Variants in SLC25A18 observed in about 807,000 individuals in gnomAD.
SLC25A18 encodes the protein mitochondrial glutamate carrier 2.
A neutral mutation model predicts 31.1 loss-of-function variants in SLC25A18; 24 were observed. The ratio of observed to expected loss-of-function variants is 0.77; its 90% CI spans 0.56 to 1.08. The LOEUF (loss-of-function observed/expected upper bound fraction) is 1.08. SLC25A18 is among the 50% of genes least tolerant of loss of function. The pLI, the probability that SLC25A18 is intolerant of heterozygous loss-of-function variation, is 0.00. For missense variants in SLC25A18, 371 were observed against 418.5 expected (o/e 0.89, Z 0.99); for synonymous variants, 173 against 161.9 (o/e 1.07, Z -0.52).
At chr22:17,565,428 CAGTGG>C (rs2056911776) in intron 1 of SLC25A18, among the ~76,000 whole-genome samples, 1 of 152,040 alleles carries the variant, frequency 6.6e-6, no homozygotes, top group Admixed American at 6.6e-5. Context: ...AGTTGAAGTG[CAGTGG>C]TATGATCATA....
intron 9 of SLC25A18, chr22:17,589,335 GC>G: frequency 2.8e-6 from 1 of 355,762 alleles, no homozygotes; most frequent in Non-Finnish European, 5.4e-6. Flanking sequence ...AACGCGCCAC[GC>G]CCGGCTCATT....
At position 17,590,428 on chromosome 22, in the gene SLC25A18, C is replaced by A; in HGVS notation, c.*192C>A. On this transcript the variant is annotated 3_prime_UTR_variant, in exon 11 of 11. Coordinates refer to ENST00000327451, the MANE Select transcript of SLC25A18 (RefSeq NM_031481.3). ...ACAGCCTTCTTCCCCTTCGTGTCTA[C>A]ACTCGTTTTCCTTTGTGGGCACAGC... 1.6e-6 allele frequency: 1 copy of A among 612,614 alleles called. No individual in the cohort carries two copies. 37.9% of individuals were successfully genotyped at this position (612,614 alleles called of 1,614,324 possible). A position where few individuals can be genotyped will look rare whatever the true frequency, so the allele number is the denominator to read the frequency against.
At chr22:17,589,467 C>T (rs1009363733) in intron 9 of SLC25A18, 123 bp from the exon 10 acceptor site, 20 of 783,440 alleles carry the variant, frequency 2.6e-5, no homozygotes, top group East Asian at 5.9e-5. Flanking sequence ...TGAGCCACTG[C>T]GCCCGGCCTA....
chr22:17,586,872 G>A (rs560419140), intron 7 of SLC25A18, among the ~76,000 whole-genome samples: 88 of 152,356 alleles, frequency 5.8e-4, no homozygotes, highest in Non-Finnish European at 9.8e-4. Flanking sequence ...GAACGTGGCG[G>A]AGAAGCAAGC....
rs768783417 is a variant in SLC25A18, at chr22:17,587,350, G to A, written c.575+49G>A. The A allele has an allele frequency of 7.7e-6, 12 of 1,554,610 alleles. 1 individual carries two copies. The South Asian group carries it at 8.4e-5, about 11-fold the overall frequency. On this transcript the variant is annotated intron_variant, in intron 8 of 10. Transcript: ENST00000327451. ...AGGACAAGTGCACGGGGGAGGGCAC[G>A]AGGGCCAGAGAGCTGGTTGTCCCTA...
Position 17,570,133 on chromosome 22 carries a change from C to T in SLC25A18, c.-201+147C>T, listed in dbSNP as rs946280180. 13 of 469,358 alleles carry T rather than the reference C, an allele frequency of 2.8e-5. No homozygotes were observed. The Admixed American group carries it at 4.5e-4, about 16-fold the overall frequency. 29.1% of individuals were successfully genotyped at this position (469,358 alleles called of 1,614,324 possible). Reference sequence around the variant, plus strand: ...TGGATAGAGTCAGAAGGGGTGGGCACGAGGAAGTGGCCGCCCCTGACCATG... The same window carrying T: ...TGGATAGAGTCAGAAGGGGTGGGCATGAGGAAGTGGCCGCCCCTGACCATG... On this transcript the variant is annotated intron_variant, in intron 2 of 10. Transcript: ENST00000327451.
In SLC25A18 at chr22:17,580,681, T is replaced by C. The variant is rs144071952; in HGVS notation, c.21-356T>C. 3.0e-5 allele frequency: 31 copies of C among 1,043,774 alleles called. 1 individual carries two copies. In the East Asian group the frequency reaches 2.3e-3, roughly 77 times the overall value. The allele number at this position is 1,043,774 out of a possible 1,614,324, so 64.7% of individuals were successfully genotyped here. On this transcript the variant is annotated intron_variant, in intron 3 of 10. Transcript: ENST00000327451. ...CTGCCTGACCTTCAGTCCGTTTGTG[T>C]GAGAACTGCACACGTGGCTCCAGGC...
Position 17,583,450 on chromosome 22 carries a change from G to A in SLC25A18, c.325G>A (p.Gly109Arg), listed in dbSNP as rs768389321. ...QRNLKMEMLAGCGAGMCQVVV... is the reference protein window; with the variant it reads ...QRNLKMEMLARCGAGMCQVVV... The stretch of plus-strand genomic sequence containing the variant: ...GAACCTGAAGATGGAGATGCTTGCC[G>A]GGTGTGGGGCTGGGATGTGCCAGGT... Residue 109 changes from glycine to arginine, a missense_variant, in exon 7 of 11, where the codon GGG becomes AGG. Transcript: ENST00000327451. 9 of 1,614,108 alleles carry A rather than the reference G, an allele frequency of 5.6e-6. No homozygotes were observed. Among genetic ancestry groups the A allele is most frequent in the South Asian group, 1.1e-5 (1 of 91,090 alleles).
At chr22:17,585,928 C>T (rs2057538092) in intron 7 of SLC25A18, among the ~76,000 whole-genome samples, 1 of 152,032 alleles carries the variant, frequency 6.6e-6, no homozygotes, top group Non-Finnish European at 1.5e-5. Flanking sequence ...ACTGGGATTA[C>T]AGGTGTGAGC....
intron 1 of SLC25A18, among the ~76,000 whole-genome samples, chr22:17,566,279 T>A (rs2056934756): frequency 1.3e-5 from 2 of 152,196 alleles, no homozygotes; most frequent in African/African-American, 4.8e-5. Context: ...AGTGGGGGGA[T>A]AATGTATCTT....
intron 8 of SLC25A18, 56 bp from the exon 9 acceptor site, chr22:17,587,869 T>G: frequency 6.2e-7 from 1 of 1,609,344 alleles, no homozygotes. Flanking sequence ...TGTCTCACCT[T>G]GGGTGGCAGC....
chr22:17,571,652 G>A (rs1444881027), intron 2 of SLC25A18, among the ~76,000 whole-genome samples: 2 of 151,920 alleles, frequency 1.3e-5, no homozygotes, highest in Admixed American at 1.3e-4. Context: ...TAGCTACTTG[G>A]GAGGCTGAGG....
At chr22:17,577,761 A>T (rs1391272205) in intron 2 of SLC25A18, among the ~76,000 whole-genome samples, 2 of 147,134 alleles carry the variant, frequency 1.4e-5, no homozygotes, top group East Asian at 4.3e-4. Flanking sequence ...TTGTGTTTTT[A>T]GTAGAGATGG....
intron 7 of SLC25A18, chr22:17,584,032 G>A: frequency 1.0e-6 from 1 of 983,522 alleles, no homozygotes; most frequent in Non-Finnish European, 1.2e-6. Context: ...TGTTGATTCA[G>A]AGGGTCAGAA....
At chr22:17,570,127 T>C in intron 2 of SLC25A18, 141 bp downstream of exon 2, 5 of 531,414 alleles carry the variant, frequency 9.4e-6, no homozygotes, top group Non-Finnish European at 1.2e-5. Context: ...TCAGAAGGGG[T>C]GGGCACGAGG....
In SLC25A18 at chr22:17,576,839, G is replaced by T. The variant is rs60408522; in HGVS notation, c.-200-2906G>T. Among the ~76,000 whole-genome samples, 114 of 152,284 alleles carry T rather than the reference G, an allele frequency of 7.5e-4. 3 individuals are homozygous for T. In the East Asian group the frequency reaches 0.017, roughly 23 times the overall value. On this transcript the variant is annotated intron_variant, in intron 2 of 10. Coordinates refer to ENST00000327451, the MANE Select transcript of SLC25A18 (RefSeq NM_031481.3). ...CATCTGTTAGCTATGCTATGGAGTG[G>T]CCCTGGGATTAGGGTGTCCCTAATT...
intron 5 of SLC25A18, chr22:17,582,021 T>G (rs1158539012): frequency 6.5e-6 from 1 of 153,540 alleles, no homozygotes; most frequent in Non-Finnish European, 1.4e-5. Flanking sequence ...GCAACAAAAA[T>G]AAAATGGCTT....
Position 17,581,062 on chromosome 22 carries a change from G to C in SLC25A18, c.46G>C (p.Gly16Arg), listed in dbSNP as rs752739504. The C allele has an allele frequency of 6.4e-7, 1 of 1,555,796 alleles. No homozygotes were observed. Among genetic ancestry groups the C allele is most frequent in the Non-Finnish European group, 8.7e-7 (1 of 1,148,824 alleles). ...LSITAKLING[G>R]VAGLVGVTCV... is the part of the protein sequence containing the mutation. ...CATCACAGCCAAACTCATCAATGGA[G>C]GTGTAGCAGGGCTCGTGGGGGTGAC... The change falls in exon 4 of 11, where the codon GGT (glycine) becomes CGT (arginine). Residue 16 changes from glycine (G) to arginine (R), a missense_variant. Coordinates refer to ENST00000327451, the MANE Select transcript of SLC25A18 (RefSeq NM_031481.3).
At chr22:17,582,295 G>A (rs1006679175) in intron 5 of SLC25A18, 7 of 253,944 alleles carry the variant, frequency 2.8e-5, no homozygotes, top group Non-Finnish European at 4.5e-5. Flanking sequence ...AGAATGGCGC[G>A]AACCCGGGAG....
Sources: gnomAD v4.1 joint callset for allele counts (sites outside exome capture counted in the v4.1 genomes callset) on GRCh38, gnomAD v4.1.1 for gene constraint, MANE v1.5 for transcripts, NCBI Gene and HGNC (gene_info 2026-07-23, HGNC 2026-07-21) for gene names.